Variants in USP10 observed in about 807,000 individuals in gnomAD.
USP10 encodes ubiquitin carboxyl-terminal hydrolase 10.
USP10 carries 22 observed loss-of-function variants against 84.5 expected under a neutral mutation model. The ratio of observed to expected loss-of-function variants is 0.26; its 90% CI spans 0.19 to 0.37. USP10 has a LOEUF of 0.37. Among genes scored for constraint, USP10 ranks in the 10% least tolerant of loss-of-function variants. USP10 has a pLI of 1.00. For synonymous variants in USP10, 454 were observed against 387.6 expected, an observed-to-expected ratio of 1.17 and a Z score of -2.01; for missense variants, 1,019 against 998.9, an observed-to-expected ratio of 1.02 and a Z score of -0.27.
intron 4 of USP10, among the ~76,000 whole-genome samples, chr16:84,746,094 GTT>G (rs1402400925): frequency 1.4e-5 from 2 of 142,696 alleles, no homozygotes; most frequent in Admixed American, 7.0e-5. Context: ...AAATAACATG[GTT>G]TTTTTTTTTT....
chr16:84,723,407 A>G (rs1908064237), intron 1 of USP10, among the ~76,000 whole-genome samples: 1 of 152,234 alleles, frequency 6.6e-6, no homozygotes, highest in Non-Finnish European at 1.5e-5. Context: ...ATATTTGAGA[A>G]TGAAAGATGT....
Position 84,741,869 on chromosome 16 carries a change from TGGCA to T in USP10, c.151+1503_151+1506del, listed in dbSNP as rs1910666389. Among the ~76,000 whole-genome samples the T allele has an allele frequency of 3.3e-5, 5 of 152,336 alleles. No homozygotes were observed. The South Asian group carries it at 1.0e-3, about 32-fold the overall frequency. On this transcript the variant is annotated intron_variant, in intron 3 of 13. Coordinates refer to ENST00000219473, the MANE Select transcript of USP10 (RefSeq NM_005153.3). ...TCTTTCCAGCCTGCTCAGCTGCTGA[TGGCA>T]GGATCCATTTCTCTGTGTCTGTCAC...
At position 84,712,770 on chromosome 16, in the gene USP10, T is replaced by C. The variant is rs549222642; in HGVS notation, c.21+12659T>C. On this transcript the variant is annotated intron_variant, in intron 1 of 13. Transcript: ENST00000219473. ...GGTTCTTCAGTGCTCTCTTTACCTC[T>C]GTTGTGTAGTTTCTTGAATCCAGGT... is the stretch of plus-strand genomic sequence containing the variant. Among the ~76,000 whole-genome samples, 36 of 152,336 alleles carry C rather than the reference T, an allele frequency of 2.4e-4. No homozygotes were observed. In the South Asian group the frequency reaches 5.0e-3, roughly 21 times the overall value.
At chr16:84,760,119 T>A (rs1342229359) in intron 7 of USP10, 53 bp from the exon 8 acceptor site, 2 of 1,559,868 alleles carry the variant, frequency 1.3e-6, no homozygotes, top group Non-Finnish European at 1.7e-6. Flanking sequence ...GCTTTTTTCA[T>A]CATTTATGAG....
Position 84,778,757 on chromosome 16 carries a change from A to G in USP10, c.2210-138A>G, listed in dbSNP as rs552227924. The G allele has an allele frequency of 5.1e-5, 41 of 811,078 alleles. No homozygotes were observed. In the East Asian group the frequency reaches 1.1e-3, roughly 22 times the overall value. 50.2% of individuals were successfully genotyped at this position (811,078 alleles called of 1,614,324 possible). A position where few individuals can be genotyped will look rare whatever the true frequency, so the allele number is the denominator to read the frequency against. ...AGTTGAAATAGCATTGGTTTGTGTG[A>G]TGACATCTCTCTGTCCCACCTGCTT... On this transcript the variant is annotated intron_variant, in intron 13 of 13. Transcript: ENST00000219473.
chr16:84,719,602 C>T (rs183252647), intron 1 of USP10, among the ~76,000 whole-genome samples: 6 of 152,148 alleles, frequency 3.9e-5, no homozygotes, highest in South Asian at 2.1e-4. Context: ...AGTACCACCG[C>T]GGATTGGTTA....
At chr16:84,723,982 A>C (rs957031094) in intron 1 of USP10, among the ~76,000 whole-genome samples, 4 of 152,192 alleles carry the variant, frequency 2.6e-5, no homozygotes, top group Admixed American at 6.5e-5. Context: ...TAAGGTCAGC[A>C]CCAAGGTGAT....
At chr16:84,778,389 G>A (rs568319387) in intron 13 of USP10, among the ~76,000 whole-genome samples, 6 of 152,122 alleles carry the variant, frequency 3.9e-5, no homozygotes, top group African/African-American at 7.2e-5. Context: ...TCTATTCCAC[G>A]AAAAAATAAA....
chr16:84,758,514 A>G (rs1285241579), intron 4 of USP10, among the ~76,000 whole-genome samples: 3 of 152,220 alleles, frequency 2.0e-5, no homozygotes, highest in Admixed American at 2.0e-4. Flanking sequence ...ATTTGAGGGA[A>G]AAGATTAGTT....
At chr16:84,773,067 T>C (rs1359722992) in intron 12 of USP10, among the ~76,000 whole-genome samples, 2 of 152,132 alleles carry the variant, frequency 1.3e-5, no homozygotes, top group Non-Finnish European at 2.9e-5. Flanking sequence ...TGATTTCTCA[T>C]AGGCAGTGAG....
intron 13 of USP10, 29 bp downstream of exon 13, chr16:84,775,254 T>C: frequency 6.2e-7 from 1 of 1,604,642 alleles, no homozygotes. Context: ...CATTACTTCT[T>C]CATTAAAACA....
intron 1 of USP10, among the ~76,000 whole-genome samples, chr16:84,721,314 C>T (rs1907776687): frequency 6.6e-6 from 1 of 152,120 alleles, no homozygotes; most frequent in African/African-American, 2.4e-5. Flanking sequence ...AATTCTTCTT[C>T]CGTAGATGAG....
At chr16:84,732,773 A>G (rs1004491455) in intron 1 of USP10, among the ~76,000 whole-genome samples, 7 of 152,136 alleles carry the variant, frequency 4.6e-5, no homozygotes, top group Non-Finnish European at 8.8e-5. Context: ...TTGAAGCTCC[A>G]TGGAGAATAT....
intron 12 of USP10, among the ~76,000 whole-genome samples, chr16:84,774,614 C>G (rs556150915): frequency 2.0e-4 from 30 of 152,070 alleles, no homozygotes; most frequent in African/African-American, 6.7e-4. Flanking sequence ...GAGACTACAG[C>G]CGCGTGCCAC....
intron 1 of USP10, among the ~76,000 whole-genome samples, chr16:84,710,220 G>C (rs1906093665): frequency 6.7e-6 from 1 of 150,212 alleles, no homozygotes; most frequent in African/African-American, 2.5e-5. Context: ...CAGTGAGCCA[G>C]ACTGTGCCAC....
intron 4 of USP10, among the ~76,000 whole-genome samples, chr16:84,755,024 G>A (rs997458409): frequency 3.3e-5 from 5 of 151,734 alleles, no homozygotes; most frequent in Non-Finnish European, 7.4e-5. Flanking sequence ...TTCAGACAGA[G>A]CTTAGTGCAG....
At chr16:84,713,366 C>G (rs1304544071) in intron 1 of USP10, among the ~76,000 whole-genome samples, 1 of 152,084 alleles carries the variant, frequency 6.6e-6, no homozygotes, top group African/African-American at 2.4e-5. Flanking sequence ...TTCTTACACC[C>G]ACTTTACCCA....
At position 84,766,075 on chromosome 16, in the gene USP10, C is replaced by G. The variant is rs77739003; in HGVS notation, c.1832+1812C>G. On this transcript the variant is annotated intron_variant, in intron 10 of 13. Transcript: ENST00000219473. Reference sequence around the variant, plus strand: ...CTGTTGTTGTCCCAAATGCTGCGTACCTGAAAGAAAGAGCACCCCTTTTGA... The same window carrying G: ...CTGTTGTTGTCCCAAATGCTGCGTAGCTGAAAGAAAGAGCACCCCTTTTGA... 4.0e-3 allele frequency among the ~76,000 whole-genome samples: 603 copies of G among 152,298 alleles called. 4 individuals are homozygous for G. Among genetic ancestry groups the G allele is most frequent in the African/African-American group, 0.014 (572 of 41,544 alleles).
chr16:84,775,704 C>T (rs917759268), intron 13 of USP10, among the ~76,000 whole-genome samples: 2 of 152,200 alleles, frequency 1.3e-5, no homozygotes, highest in Admixed American at 1.3e-4. Flanking sequence ...GGCTGCCAGG[C>T]CCTCAGTCAG....
Sources: allele counts gnomAD v4.1 joint callset (sites outside exome capture counted in the v4.1 genomes callset), GRCh38; gene constraint gnomAD v4.1.1; transcripts MANE v1.5; gene names NCBI Gene and HGNC (gene_info 2026-07-23, HGNC 2026-07-21).